The following RBFOX1 variants were observed in gnomAD, a reference collection of about 807,000 sequenced individuals.
The protein encoded by RBFOX1 is RNA binding fox-1 homolog 1.
Under a neutral mutation model 57.7 loss-of-function variants are expected in RBFOX1, and 8 were observed. That is an observed-to-expected ratio of 0.14 (90% CI 0.08 to 0.25). The LOEUF is 0.25. RBFOX1 is among the 10% of genes least tolerant of loss of function. RBFOX1 has a pLI of 1.00. For synonymous variants in RBFOX1, 326 were observed against 222.4 expected (o/e 1.47, Z -4.15); for missense variants, 611 against 548.5 (o/e 1.11, Z -1.14).
chr16:5,249,831 C>A (rs1238663604), intron 1 of RBFOX1, among the ~76,000 whole-genome samples: 1 of 152,152 alleles, frequency 6.6e-6, no homozygotes, highest in Non-Finnish European at 1.5e-5. Context: ...TGGTGGTGCC[C>A]ACCTGTAATC....
intron 4 of RBFOX1, among the ~76,000 whole-genome samples, chr16:5,886,878 ACT>A (rs941274667): frequency 6.6e-6 from 1 of 152,144 alleles, no homozygotes; most frequent in African/African-American, 2.4e-5. Flanking sequence ...ACGGAGTGAG[ACT>A]CTGTCTCAAA....
At chr16:7,291,190 T>C (rs2141555381) in intron 4 of RBFOX1, among the ~76,000 whole-genome samples, 1 of 152,312 alleles carries the variant, frequency 6.6e-6, no homozygotes, top group African/African-American at 2.4e-5. Flanking sequence ...CAAGGTAAGA[T>C]GTGCAGAACC....
At chr16:6,579,265 T>G (rs9932712) in intron 2 of RBFOX1, among the ~76,000 whole-genome samples, 67,149 of 151,582 alleles carry the variant, frequency 0.44, 16,161 homozygotes, top group East Asian at 0.66. Flanking sequence ...GTGTAGTGGT[T>G]CAGTTATCGC....
intron 3 of RBFOX1, among the ~76,000 whole-genome samples, chr16:5,773,370 A>T (rs1339351000): frequency 2.6e-5 from 4 of 152,226 alleles, no homozygotes; most frequent in Non-Finnish European, 5.9e-5. Context: ...ATTCAAACAC[A>T]CACACATCCA....
intron 4 of RBFOX1, among the ~76,000 whole-genome samples, chr16:7,360,056 C>G (rs754085548): frequency 6.6e-6 from 1 of 152,038 alleles, no homozygotes; most frequent in Non-Finnish European, 1.5e-5. Flanking sequence ...ACTATATAGT[C>G]TTTCTATAGT....
At chr16:5,304,888 C>A (rs1456551153) in intron 1 of RBFOX1, among the ~76,000 whole-genome samples, 2 of 152,166 alleles carry the variant, frequency 1.3e-5, no homozygotes, top group Non-Finnish European at 2.9e-5. Context: ...TTCTCCTATT[C>A]CCTGCGAATT....
At chr16:6,393,443 G>C (rs1264628213) in intron 2 of RBFOX1, among the ~76,000 whole-genome samples, 1 of 152,110 alleles carries the variant, frequency 6.6e-6, no homozygotes, top group Non-Finnish European at 1.5e-5. Context: ...ACTTAAACCT[G>C]CCCAGTCCCT....
chr16:6,242,663 CAT>C (rs2097546348), intron 1 of RBFOX1, among the ~76,000 whole-genome samples: 1 of 138,622 alleles, frequency 7.2e-6, no homozygotes, highest in Non-Finnish European at 1.6e-5. Context: ...CACACACACA[CAT>C]TCCTTAAAAT....
intron 1 of RBFOX1, among the ~76,000 whole-genome samples, chr16:6,265,865 C>T (rs965947880): frequency 4.2e-4 from 64 of 152,192 alleles, no homozygotes; most frequent in Non-Finnish European, 6.2e-4. Context: ...CTCCTCCTCA[C>T]TTCTTGTACA....
At chr16:7,180,459 G>A (rs1210738593) in intron 4 of RBFOX1, among the ~76,000 whole-genome samples, 1 of 152,102 alleles carries the variant, frequency 6.6e-6, no homozygotes. Context: ...TTCTACAGAC[G>A]TGTTTTCAGA....
At chr16:7,356,064 A>G (rs767690703) in intron 4 of RBFOX1, among the ~76,000 whole-genome samples, 1 of 152,234 alleles carries the variant, frequency 6.6e-6, no homozygotes, top group Non-Finnish European at 1.5e-5. Flanking sequence ...ATGGGGCTGC[A>G]TGTCTCCAAT....
intron 2 of RBFOX1, among the ~76,000 whole-genome samples, chr16:5,518,773 A>G (rs2043897537): frequency 6.6e-6 from 1 of 152,216 alleles, no homozygotes; most frequent in Admixed American, 6.5e-5. Context: ...ACGTATTATA[A>G]GGAACACAGA....
intron 3 of RBFOX1, among the ~76,000 whole-genome samples, chr16:6,687,595 T>G (rs897203864): frequency 6.6e-6 from 1 of 152,226 alleles, no homozygotes; most frequent in Non-Finnish European, 1.5e-5. Context: ...TAAAATTAAC[T>G]TCAGGTCTAA....
At chr16:7,000,422 C>G (rs2092678780) in intron 3 of RBFOX1, among the ~76,000 whole-genome samples, 2 of 152,176 alleles carry the variant, frequency 1.3e-5, no homozygotes, top group Admixed American at 1.3e-4. Flanking sequence ...GTCACCGGGT[C>G]ATTTTTATGC....
intron 2 of RBFOX1, chr16:5,598,804 C>G: frequency 1.1e-6 from 1 of 888,866 alleles, no homozygotes; most frequent in South Asian, 1.8e-5. Flanking sequence ...CGTGGTGAGA[C>G]ATTCTGGGTT....
chr16:5,759,660 C>T (rs761749702), intron 3 of RBFOX1, among the ~76,000 whole-genome samples: 2 of 152,190 alleles, frequency 1.3e-5, no homozygotes, highest in Non-Finnish European at 1.5e-5. Flanking sequence ...ATGCTGATCT[C>T]CTTTCCTGTC....
At chr16:7,475,654 T>G (rs185504565) in intron 4 of RBFOX1, among the ~76,000 whole-genome samples, 4 of 152,258 alleles carry the variant, frequency 2.6e-5, no homozygotes, top group African/African-American at 7.2e-5. Flanking sequence ...AGATCATGTT[T>G]CTGGCATCCA....
chr16:6,812,290 C>G (rs1005615992), intron 3 of RBFOX1, among the ~76,000 whole-genome samples: 1 of 152,158 alleles, frequency 6.6e-6, no homozygotes, highest in Non-Finnish European at 1.5e-5. Flanking sequence ...TTAGACCAAG[C>G]TAGGACGGTC....
intron 3 of RBFOX1, among the ~76,000 whole-genome samples, chr16:7,015,676 A>AT (rs2093875052): frequency 1.3e-5 from 2 of 151,970 alleles, no homozygotes; most frequent in South Asian, 2.1e-4. Flanking sequence ...AGTATTTGAA[A>AT]TTTTTTTATG....
Sources: gnomAD v4.1 joint callset for allele counts (sites outside exome capture counted in the v4.1 genomes callset) on GRCh38, gnomAD v4.1.1 for gene constraint, MANE v1.5 for transcripts, NCBI Gene and HGNC (gene_info 2026-07-23, HGNC 2026-07-21) for gene names.